The following CELF2 variants were observed in gnomAD, a reference collection of about 807,000 sequenced individuals.
The protein encoded by CELF2 is CUG triplet repeat RNA-binding protein 2.
CELF2 carries 8 observed loss-of-function variants against 62.6 expected under a neutral mutation model. The ratio of observed to expected loss-of-function variants is 0.13; its 90% CI spans 0.07 to 0.23. The LOEUF (loss-of-function observed/expected upper bound fraction) is 0.23. Ranked by LOEUF, CELF2 falls within the 10% of genes least tolerant of loss-of-function variation. The pLI, the probability that CELF2 is intolerant of heterozygous loss-of-function variation, is 1.00. For missense variants in CELF2, 333 were observed against 671.0 expected (o/e 0.50, Z 5.56); for synonymous variants, 258 against 250.0 (o/e 1.03, Z -0.30).
the CELF2 span, among the ~76,000 whole-genome samples, chr10:10,564,271 A>G: frequency 1.6e-4 from 25 of 152,172 alleles, no homozygotes; most frequent in Non-Finnish European, 3.1e-4. Flanking sequence ...GCAACACATG[A>G]CATCCCCTGC....
In CELF2 at chr10:11,110,519, T is replaced by A. The variant is rs545564865; in HGVS notation, c.75-54967T>A. On this transcript the variant is annotated intron_variant, in intron 1 of 12. Transcript: ENST00000633077. The surrounding 1 kb of genome is among the most constrained non-coding windows in gnomAD (Gnocchi z 4.0). Reference sequence around the variant, plus strand: ...TCTAAACACTGCTAGATTGATGAAATACACTAATGCATGGAGTAGAAACAG... The same window carrying A: ...TCTAAACACTGCTAGATTGATGAAAAACACTAATGCATGGAGTAGAAACAG... Among the ~76,000 whole-genome samples the A allele has an allele frequency of 2.1e-4, 32 of 152,322 alleles. No individual in the cohort carries two copies. The highest frequency in any genetic ancestry group is 7.5e-4 in the African/African-American group (31 of 41,568).
chr10:10,671,766 A>G, the CELF2 span, among the ~76,000 whole-genome samples: 2 of 149,500 alleles, frequency 1.3e-5, no homozygotes, highest in Admixed American at 6.7e-5. Context: ...GTCTTGCTCT[A>G]TTGCCCAGGC....
At chr10:10,861,164 A>C (rs1353567925) in intron 1 of CELF2, among the ~76,000 whole-genome samples, 2 of 152,152 alleles carry the variant, frequency 1.3e-5, no homozygotes, top group Non-Finnish European at 2.9e-5. Context: ...AGCTCACTGT[A>C]ACCTCTGCCT....
intron 1 of CELF2, among the ~76,000 whole-genome samples, chr10:10,830,075 A>G (rs1761416957): frequency 6.6e-6 from 1 of 152,066 alleles, no homozygotes. Flanking sequence ...TCCGTGTAGA[A>G]AAGTTAAACT....
At chr10:10,873,289 T>G (rs1364160604) in intron 1 of CELF2, among the ~76,000 whole-genome samples, 1 of 152,218 alleles carries the variant, frequency 6.6e-6, no homozygotes, top group Non-Finnish European at 1.5e-5. Flanking sequence ...ATTAAGTTAT[T>G]CATTTGTAAT....
At chr10:10,833,830 G>T (rs1037572869) in intron 1 of CELF2, among the ~76,000 whole-genome samples, 3 of 152,220 alleles carry the variant, frequency 2.0e-5, no homozygotes, top group Non-Finnish European at 4.4e-5. Flanking sequence ...TGGTGAGGTT[G>T]CAGAGAAAAG....
the CELF2 span, among the ~76,000 whole-genome samples, chr10:10,474,784 G>A: frequency 1.2e-4 from 18 of 152,116 alleles, no homozygotes; most frequent in South Asian, 3.5e-3. Flanking sequence ...ACTGTTCTAC[G>A]GAAAGTAGAC....
At chr10:10,935,648 A>G (rs995364745) in intron 2 of CELF2, among the ~76,000 whole-genome samples, 1 of 152,208 alleles carries the variant, frequency 6.6e-6, no homozygotes, top group Non-Finnish European at 1.5e-5. Context: ...AATAATAAAG[A>G]ACAATCCTAC....
chr10:10,953,695 CT>C (rs1389483398), intron 2 of CELF2, among the ~76,000 whole-genome samples: 1 of 151,862 alleles, frequency 6.6e-6, no homozygotes, highest in African/African-American at 2.4e-5. Context: ...ATGGGAAAGC[CT>C]TTTTGAAACC....
chr10:10,614,289 A>G, the CELF2 span, among the ~76,000 whole-genome samples: 15 of 152,182 alleles, frequency 9.9e-5, no homozygotes, highest in Non-Finnish European at 1.8e-4. Flanking sequence ...GATGACTGCT[A>G]GCATTCCCGC....
intron 5 of CELF2, among the ~76,000 whole-genome samples, chr10:11,261,082 TA>T (rs1231687526): frequency 6.6e-6 from 1 of 152,180 alleles, no homozygotes; most frequent in Non-Finnish European, 1.5e-5. Context: ...AAAACCAGGG[TA>T]TACCCTCTTC....
rs1375158355 is a variant in CELF2 at position 11,010,005 on chromosome 10, AT to A, written c.53+4566del. Reference sequence around the variant, plus strand: ...CTAGCCTGGGCACAGTTGTGCCTTTATGCGGAAATTGATGAGTTGCTTTTCA... The same window carrying A: ...CTAGCCTGGGCACAGTTGTGCCTTTAGCGGAAATTGATGAGTTGCTTTTCA... On this transcript the variant is annotated intron_variant, in intron 1 of 12. Coordinates refer to the CELF2 transcript ENST00000416382. This position sits in a 1 kb window ranked among gnomAD's most constrained non-coding sequence, Gnocchi z 4.1. Among the ~76,000 whole-genome samples, 1 of 152,164 alleles carries A rather than the reference AT, an allele frequency of 6.6e-6. No homozygotes were observed. The highest frequency in any genetic ancestry group is 6.5e-5 in the Admixed American group (1 of 15,282).
intron 3 of CELF2, among the ~76,000 whole-genome samples, chr10:11,230,131 A>C (rs2068098074): frequency 6.6e-6 from 1 of 152,166 alleles, no homozygotes; most frequent in South Asian, 2.1e-4. Flanking sequence ...TTAGAAGTGC[A>C]GCCTTGCAGG....
chr10:10,697,064 G>A, the CELF2 span, among the ~76,000 whole-genome samples: 3 of 151,944 alleles, frequency 2.0e-5, no homozygotes, highest in South Asian at 6.2e-4. Flanking sequence ...AAGATGTTTG[G>A]TAATAACATG....
At chr10:11,044,957 T>C (rs776105798) in intron 1 of CELF2, among the ~76,000 whole-genome samples, 30 of 152,366 alleles carry the variant, frequency 2.0e-4, no homozygotes, top group Middle Eastern at 6.8e-3. Context: ...TCCAGATTGT[T>C]CAAGTGCCTT....
chr10:10,683,398 C>A, the CELF2 span, among the ~76,000 whole-genome samples: 2 of 152,164 alleles, frequency 1.3e-5, no homozygotes, highest in Non-Finnish European at 2.9e-5. Context: ...TGTTGATTTT[C>A]ATGCTTGTGT....
the CELF2 span, among the ~76,000 whole-genome samples, chr10:10,504,301 A>T: frequency 6.6e-6 from 1 of 151,752 alleles, no homozygotes; most frequent in Non-Finnish European, 1.5e-5. Flanking sequence ...AACTGTTCTC[A>T]TTTTCCCCTT....
Position 10,964,156 on chromosome 10 carries a change from G to A in CELF2, c.89+44157G>A, listed in dbSNP as rs370525257. Among the ~76,000 whole-genome samples the A allele has an allele frequency of 2.3e-4, 35 of 152,302 alleles. No individual in the cohort carries two copies. The South Asian group carries it at 7.0e-3, about 31-fold the overall frequency. ...TTTGCAATTATTGGACAAGTTTGTA[G>A]TTAAACTCTCCTTTGAAAGCCATGG... On this transcript the variant is annotated intron_variant, in intron 2 of 13. Coordinates refer to the CELF2 transcript ENST00000636488.
chr10:10,616,988 C>CTTG, the CELF2 span, among the ~76,000 whole-genome samples: 1 of 152,038 alleles, frequency 6.6e-6, no homozygotes. Flanking sequence ...AACTCCCAGG[C>CTTG]TCAAGCAATT....
Sources: gnomAD v4.1 joint callset for allele counts (sites outside exome capture counted in the v4.1 genomes callset) on GRCh38, gnomAD v4.1.1 for gene constraint, Gnocchi (gnomAD v3.1) non-coding constraint, MANE v1.5 for transcripts, NCBI Gene and HGNC (gene_info 2026-07-23, HGNC 2026-07-21) for gene names.